WDR72: variants seen among roughly 807,000 people sequenced by gnomAD.
The protein encoded by WDR72 is WD repeat domain 72, also known as WD repeat-containing protein 72.
WDR72 carries 120 observed loss-of-function variants against 124.2 expected under a neutral mutation model. That is an observed-to-expected ratio of 0.97 (90% CI 0.83 to 1.12). The LOEUF is 1.12. WDR72 is among the 50% of genes most tolerant of loss of function. The pLI is 0.00. For missense variants in WDR72, 1,387 were observed against 1,278.8 expected, an observed-to-expected ratio of 1.08 and a Z score of -1.29; for synonymous variants, 452 against 441.7, an observed-to-expected ratio of 1.02 and a Z score of -0.29.
chr15:53,548,980 A>T (rs1893611173), intron 18 of WDR72, among the ~76,000 whole-genome samples: 1 of 152,218 alleles, frequency 6.6e-6, no homozygotes, highest in Non-Finnish European at 1.5e-5. Flanking sequence ...TACAGAAGAA[A>T]GAGAACCAAT....
chr15:53,552,493 A>G (rs1199030776), intron 18 of WDR72, among the ~76,000 whole-genome samples: 2 of 152,176 alleles, frequency 1.3e-5, no homozygotes, highest in African/African-American at 4.8e-5. Context: ...TCTGCTATTG[A>G]AGCAGTCTCA....
At position 53,523,231 on chromosome 15, in the gene WDR72, C is replaced by T; in HGVS notation, c.3240G>A (p.Glu1080=). ...EDMPDRCALE[E]SESPGEPRHH... Reference sequence around the variant, plus strand: ...AATGGCTTTCACCTGGACTCTCAGACTCTTCCAAGGCACATCTGTCAGGCA... The same window carrying T: ...AATGGCTTTCACCTGGACTCTCAGATTCTTCCAAGGCACATCTGTCAGGCA... The change falls in exon 19 of 20, where the codon GAG becomes GAA. Residue 1080 remains glutamate (E), a synonymous_variant. Coordinates refer to ENST00000360509, the MANE Select transcript of WDR72 (RefSeq NM_182758.4). 6.2e-7 allele frequency: 1 copy of T among 1,613,072 alleles called. No homozygotes were observed. Among genetic ancestry groups the T allele is most frequent in the East Asian group, 2.2e-5 (1 of 44,848 alleles).
At chr15:53,561,590 T>C (rs1044613875) in intron 18 of WDR72, among the ~76,000 whole-genome samples, 1 of 151,780 alleles carries the variant, frequency 6.6e-6, no homozygotes, top group African/African-American at 2.4e-5. Context: ...AAAGTGCCTG[T>C]TACCTGGGGA....
At chr15:53,673,746 T>C (rs1178766502) in intron 13 of WDR72, among the ~76,000 whole-genome samples, 1 of 152,132 alleles carries the variant, frequency 6.6e-6, no homozygotes, top group East Asian at 1.9e-4. Context: ...TCCCAGCACT[T>C]TGGGAGGCCG....
chr15:53,683,223 C>G (rs76983488), intron 13 of WDR72, among the ~76,000 whole-genome samples: 4,113 of 152,188 alleles, frequency 0.027, 108 homozygotes, highest in East Asian at 0.069. Context: ...GAGCCAAACC[C>G]TATCAGGGTA....
intron 10 of WDR72, among the ~76,000 whole-genome samples, chr15:53,705,610 A>G (rs2017329770): frequency 6.6e-6 from 1 of 152,006 alleles, no homozygotes. Context: ...TTACAGGTGC[A>G]TGCTGCCATG....
At chr15:53,712,405 G>A (rs1337036872) in intron 7 of WDR72, among the ~76,000 whole-genome samples, 1 of 152,180 alleles carries the variant, frequency 6.6e-6, no homozygotes, top group African/African-American at 2.4e-5. Flanking sequence ...AGATCGGCCT[G>A]ACCAACATGG....
At chr15:53,626,265 C>T (rs1214473777) in intron 14 of WDR72, among the ~76,000 whole-genome samples, 3 of 152,156 alleles carry the variant, frequency 2.0e-5, no homozygotes, top group Admixed American at 6.5e-5. Context: ...TATCAGAAGC[C>T]GTGGGTCACG....
chr15:53,545,195 G>C (rs1168940912), intron 18 of WDR72, among the ~76,000 whole-genome samples: 1 of 151,508 alleles, frequency 6.6e-6, no homozygotes, highest in Non-Finnish European at 1.5e-5. Flanking sequence ...AAAAGAGCCC[G>C]CATCGCCACG....
intron 18 of WDR72, among the ~76,000 whole-genome samples, chr15:53,567,177 CAT>C (rs1894331047): frequency 6.6e-6 from 1 of 152,034 alleles, no homozygotes; most frequent in Non-Finnish European, 1.5e-5. Flanking sequence ...GTGTGTCCAA[CAT>C]GTGTTGGGAA....
intron 17 of WDR72, among the ~76,000 whole-genome samples, chr15:53,601,530 G>A (rs757857388): frequency 6.6e-6 from 1 of 151,998 alleles, no homozygotes; most frequent in African/African-American, 2.4e-5. Flanking sequence ...AAATGTAAAT[G>A]GACTGAATGC....
rs1567046959 is a variant in WDR72, at chr15:53,718,781, A to ACC, written c.261-2097_261-2096insGG. Among the ~76,000 whole-genome samples, 126 of 84,498 alleles carry ACC rather than the reference A, an allele frequency of 1.5e-3. 1 individual carries two copies. Among genetic ancestry groups the ACC allele is most frequent in the African/African-American group, 2.4e-3 (80 of 33,600 alleles). 55.4% of individuals were successfully genotyped at this position (84,498 alleles called of 152,430 possible). A position where few individuals can be genotyped will look rare whatever the true frequency, so the allele number is the denominator to read the frequency against. ...TTAATAAATTTTAAGAATTTTAAAA[A>ACC]TCTTAAGATTTTTAAAAATTTTAAA... On this transcript the variant is annotated intron_variant, in intron 3 of 19. Transcript: ENST00000360509.
chr15:53,590,835 C>T (rs185046187), intron 18 of WDR72, among the ~76,000 whole-genome samples: 10 of 152,126 alleles, frequency 6.6e-5, no homozygotes, highest in Admixed American at 5.2e-4. Context: ...TCAGTGTTAA[C>T]TGTAACTATG....
At chr15:53,742,663 G>C (rs1354367213) in intron 1 of WDR72, among the ~76,000 whole-genome samples, 2 of 151,984 alleles carry the variant, frequency 1.3e-5, no homozygotes, top group Non-Finnish European at 2.9e-5. Flanking sequence ...AAAAAAAATA[G>C]GCATCATAGC....
At chr15:53,535,318 T>A (rs1292705292) in intron 18 of WDR72, among the ~76,000 whole-genome samples, 1 of 152,172 alleles carries the variant, frequency 6.6e-6, no homozygotes, top group Non-Finnish European at 1.5e-5. Flanking sequence ...ATGGAAGAGA[T>A]TCTCCCTTAC....
rs142487210 is a variant in WDR72, at chr15:53,652,405, G to T, written c.1962+13167C>A. 9.2e-3 allele frequency among the ~76,000 whole-genome samples: 1,393 copies of T among 152,214 alleles called. 15 individuals are homozygous for T. Among genetic ancestry groups the T allele is most frequent in the Middle Eastern group, 0.017 (5 of 294 alleles). On this transcript the variant is annotated intron_variant, in intron 14 of 19. Transcript: ENST00000360509. ...GCCCTCTCTTCTCCTCTGATGAGAG[G>T]GTGAGTTAAGCAATTTTCAAATGAT...
chr15:53,563,639 C>A (rs1485067493), intron 18 of WDR72, among the ~76,000 whole-genome samples: 1 of 151,504 alleles, frequency 6.6e-6, no homozygotes, highest in African/African-American at 2.4e-5. Context: ...AATGATTAAT[C>A]TAGTAATAGG....
At chr15:53,523,468 T>G in intron 18 of WDR72, 146 bp from the exon 19 acceptor site, 1 of 773,004 alleles carries the variant, frequency 1.3e-6, no homozygotes, top group Non-Finnish European at 2.2e-6. Flanking sequence ...TGAAATAAAA[T>G]GTATCCTCTA....
chr15:53,674,662 A>C (rs182687799), intron 13 of WDR72, among the ~76,000 whole-genome samples: 27 of 152,340 alleles, frequency 1.8e-4, no homozygotes, highest in Non-Finnish European at 3.2e-4. Context: ...TAAAAAATGG[A>C]GTGTCAAAGA....
Sources: allele counts gnomAD v4.1 joint callset (sites outside exome capture counted in the v4.1 genomes callset), GRCh38; gene constraint gnomAD v4.1.1; transcripts MANE v1.5; gene names NCBI Gene and HGNC (gene_info 2026-07-23, HGNC 2026-07-21).